ARIH2: variants seen among roughly 807,000 people sequenced by gnomAD.
ARIH2 encodes E3 ubiquitin-protein ligase ARIH2.
A neutral mutation model predicts 79.8 loss-of-function variants in ARIH2; 12 were observed. The observed-to-expected ratio is 0.15, with a 90% confidence interval of 0.10 to 0.24. The LOEUF is 0.24. Among genes scored for constraint, ARIH2 ranks in the 10% least tolerant of loss-of-function variants. The pLI, the probability that ARIH2 is intolerant of heterozygous loss-of-function variation, is 1.00. For missense variants in ARIH2, 301 were observed against 618.3 expected (o/e 0.49, Z 5.44); for synonymous variants, 224 against 213.9 (o/e 1.05, Z -0.41).
intron 3 of ARIH2, among the ~76,000 whole-genome samples, chr3:48,929,471 C>T (rs1408288797): frequency 6.6e-6 from 1 of 152,152 alleles, no homozygotes; most frequent in African/African-American, 2.4e-5. Flanking sequence ...TCTCTTACTG[C>T]CCTTAGGAGT....
chr3:48,937,178 A>G (rs2087274150), intron 3 of ARIH2, among the ~76,000 whole-genome samples: 1 of 152,236 alleles, frequency 6.6e-6, no homozygotes, highest in South Asian at 2.1e-4. Context: ...TGTGGTCTAT[A>G]TCTGGAAAAG....
At chr3:48,948,491 T>C (rs1031619703) in intron 3 of ARIH2, among the ~76,000 whole-genome samples, 3 of 151,938 alleles carry the variant, frequency 2.0e-5, no homozygotes, top group African/African-American at 7.3e-5. Context: ...TTTCTCCATG[T>C]TGGTCAGGCT....
intron 4 of ARIH2, among the ~76,000 whole-genome samples, chr3:48,963,116 A>T (rs973888512): frequency 2.0e-5 from 3 of 152,216 alleles, no homozygotes; most frequent in Non-Finnish European, 4.4e-5. Context: ...TGGGAAGGAC[A>T]TACCAGCTGG....
At position 48,940,666 on chromosome 3, in the gene ARIH2, G is replaced by A. The variant is rs566505534; in HGVS notation, c.255+12853G>A. ...AAAAATTAGTCAGGCATGGTGGCGC[G>A]TGCCTGTAATCCTAGATACTCGGGA... On this transcript the variant is annotated intron_variant, in intron 3 of 15. Transcript: ENST00000356401. Among the ~76,000 whole-genome samples, 299 of 151,164 alleles carry A rather than the reference G, an allele frequency of 2.0e-3. 2 individuals carry two copies. Among genetic ancestry groups the A allele is most frequent in the African/African-American group, 6.8e-3 (282 of 41,172 alleles).
chr3:48,940,335 T>C (rs1022321682), intron 3 of ARIH2, among the ~76,000 whole-genome samples: 2 of 150,800 alleles, frequency 1.3e-5, no homozygotes, highest in Admixed American at 6.6e-5. Context: ...TTAAAAAAGA[T>C]AGATAGATAG....
chr3:48,923,199 T>G (rs977246317), intron 2 of ARIH2, among the ~76,000 whole-genome samples: 4 of 150,378 alleles, frequency 2.7e-5, no homozygotes, highest in African/African-American at 7.3e-5. Context: ...AGAGCGAGAC[T>G]CCGTCTCAAA....
chr3:48,932,279 A>ATC (rs1295158811), intron 3 of ARIH2, among the ~76,000 whole-genome samples: 1 of 152,184 alleles, frequency 6.6e-6, no homozygotes, highest in African/African-American at 2.4e-5. Context: ...TCCTACACAA[A>ATC]TCACAAATGG....
At chr3:48,938,881 T>C (rs1056883713) in intron 3 of ARIH2, among the ~76,000 whole-genome samples, 2 of 110,214 alleles carry the variant, frequency 1.8e-5, no homozygotes, top group African/African-American at 7.3e-5. Context: ...GTATATAGAC[T>C]AGTCATCCCT....
intron 14 of ARIH2, 108 bp from the exon 15 acceptor site, chr3:48,982,788 T>A (rs2092797002): frequency 2.6e-6 from 2 of 777,494 alleles, no homozygotes; most frequent in Admixed American, 3.8e-5. Context: ...ATCAGGATTG[T>A]CTGTAGTTCC....
rs532535786 is a variant in ARIH2, at chr3:48,942,316, G to A, written c.255+14503G>A. On this transcript the variant is annotated intron_variant, in intron 3 of 15. Transcript: ENST00000356401. ...TCTGCCCGCTTCAGCCTCCTGAAGTGTTGGGATTACTGGCATGAGCCACTA... is the reference window on the plus strand; with the variant it reads ...TCTGCCCGCTTCAGCCTCCTGAAGTATTGGGATTACTGGCATGAGCCACTA... Among the ~76,000 whole-genome samples the A allele has an allele frequency of 2.4e-3, 361 of 152,194 alleles. 1 individual carries two copies. Among genetic ancestry groups the A allele is most frequent in the Non-Finnish European group, 4.1e-3 (278 of 67,992 alleles).
chr3:48,952,555 C>A (rs2107414704), intron 3 of ARIH2, among the ~76,000 whole-genome samples: 1 of 152,102 alleles, frequency 6.6e-6, no homozygotes, highest in South Asian at 2.1e-4. Flanking sequence ...TGAGTGAGGC[C>A]CTTCTGATGG....
At chr3:48,959,039 G>A (rs756746323) in intron 3 of ARIH2, among the ~76,000 whole-genome samples, 6 of 150,540 alleles carry the variant, frequency 4.0e-5, no homozygotes, top group Non-Finnish European at 7.4e-5. Context: ...AAAATAGGCC[G>A]AGCGCGGTGG....
chr3:48,926,853 A>G (rs2106910826), intron 2 of ARIH2: 1 of 152,684 alleles, frequency 6.5e-6, no homozygotes, highest in East Asian at 1.9e-4. Context: ...CCCGGCCAGT[A>G]GAACTCTTTA....
intron 3 of ARIH2, among the ~76,000 whole-genome samples, chr3:48,931,745 G>A (rs1266769252): frequency 6.6e-6 from 1 of 150,608 alleles, no homozygotes; most frequent in Non-Finnish European, 1.5e-5. Flanking sequence ...AGCCGGGTGC[G>A]GTGGCTCACG....
At chr3:48,938,808 A>T (rs966681067) in intron 3 of ARIH2, among the ~76,000 whole-genome samples, 7 of 150,494 alleles carry the variant, frequency 4.7e-5, no homozygotes, top group East Asian at 4.0e-4. Context: ...GTGGACTCTG[A>T]TCTGACTGAT....
intron 4 of ARIH2, among the ~76,000 whole-genome samples, chr3:48,964,511 C>T (rs2091588387): frequency 2.0e-5 from 3 of 151,736 alleles, no homozygotes; most frequent in East Asian, 1.9e-4. Context: ...AGACGGGTTT[C>T]ACCATCTTGG....
intron 2 of ARIH2, chr3:48,924,930 G>T (rs998130743): frequency 6.6e-6 from 1 of 152,112 alleles, no homozygotes; most frequent in Non-Finnish European, 1.5e-5. Context: ...TCCTGACCTC[G>T]TGATCTGCCT....
intron 3 of ARIH2, among the ~76,000 whole-genome samples, chr3:48,940,827 A>G (rs1322373006): frequency 1.4e-5 from 2 of 142,832 alleles, no homozygotes; most frequent in East Asian, 4.3e-4. Flanking sequence ...ATATATATAT[A>G]TAGCCACATA....
intron 3 of ARIH2, among the ~76,000 whole-genome samples, chr3:48,940,011 C>T (rs1357156188): frequency 6.6e-6 from 1 of 151,990 alleles, no homozygotes; most frequent in Non-Finnish European, 1.5e-5. Flanking sequence ...TAGAGACCAG[C>T]CTGGCCAACA....
Sources: gnomAD v4.1 joint callset for allele counts (sites outside exome capture counted in the v4.1 genomes callset) on GRCh38, gnomAD v4.1.1 for gene constraint, MANE v1.5 for transcripts, NCBI Gene and HGNC (gene_info 2026-07-23, HGNC 2026-07-21) for gene names.